The following MYRFL variants were observed in gnomAD, a reference collection of about 807,000 sequenced individuals.
MYRFL encodes myelin regulatory factor like.
In MYRFL, 88 loss-of-function variants were observed where a neutral mutation model predicts 109.4. The observed-to-expected ratio is 0.80, with a 90% CI of 0.68 to 0.96. MYRFL has a LOEUF of 0.96. Among genes scored for constraint, MYRFL ranks in the 40% least tolerant of loss-of-function variants. The pLI, the probability that MYRFL is intolerant of heterozygous loss-of-function variation, is 0.00. For synonymous variants in MYRFL, 324 were observed against 320.9 expected (o/e 1.01, Z -0.10); for missense variants, 957 against 954.9 (o/e 1.00, Z -0.03).
intron 1 of MYRFL, among the ~76,000 whole-genome samples, chr12:69,841,927 C>A (rs1261209781): frequency 2.6e-5 from 4 of 152,134 alleles, no homozygotes; most frequent in Non-Finnish European, 5.9e-5. Context: ...TCCCACAACT[C>A]CTCTGTGAGG....
At chr12:69,827,947 A>G (rs1882391912) in intron 1 of MYRFL, among the ~76,000 whole-genome samples, 1 of 152,114 alleles carries the variant, frequency 6.6e-6, no homozygotes, top group Non-Finnish European at 1.5e-5. Context: ...CCTTGGAGTG[A>G]TAGGATTATG....
chr12:69,905,869 T>C (rs1441052412), intron 11 of MYRFL, among the ~76,000 whole-genome samples: 1 of 152,236 alleles, frequency 6.6e-6, no homozygotes, highest in East Asian at 1.9e-4. Flanking sequence ...GTAATGTTGA[T>C]GATGCTGATG....
rs771164817 is a variant in MYRFL at position 69,958,322 on chromosome 12, C to T, written c.2645C>T (p.Pro882Leu). 6.4e-5 allele frequency: 99 copies of T among 1,535,748 alleles called. No homozygotes were observed. Among genetic ancestry groups the T allele is most frequent in the South Asian group, 1.4e-4 (12 of 83,796 alleles). The stretch of plus-strand genomic sequence containing the variant: ...ATGTTCCATTTCCGTGTAGCTGCAC[C>T]GGTAAGCTTGCTTTTTCTTTTTCTT... ...DSMFHFRVAA[P>L]DLADCSTDPY... The change falls in exon 24 of 25, where the codon CCG becomes CTG. Residue 882 changes from proline to leucine, a missense_variant and splice_region_variant. Transcript: ENST00000552032.
intron 1 of MYRFL, among the ~76,000 whole-genome samples, chr12:69,840,216 GTC>G (rs1487761238): frequency 3.9e-4 from 59 of 152,198 alleles, no homozygotes; most frequent in African/African-American, 1.4e-3. Flanking sequence ...CCTTCAGGCT[GTC>G]TGAATGTATG....
chr12:69,874,291 C>G (rs79901267), intron 2 of MYRFL, among the ~76,000 whole-genome samples: 8,516 of 152,278 alleles, frequency 0.056, 275 homozygotes, highest in African/African-American at 0.088. Flanking sequence ...GATCCTTCAG[C>G]CTCAGCTTCC....
At chr12:69,847,153 C>G (rs760327600) in intron 1 of MYRFL, among the ~76,000 whole-genome samples, 3 of 152,152 alleles carry the variant, frequency 2.0e-5, no homozygotes, top group Non-Finnish European at 4.4e-5. Flanking sequence ...GCCACTCAAA[C>G]TGCTGCAGTA....
chr12:69,870,541 A>T (rs1592730845), intron 2 of MYRFL, among the ~76,000 whole-genome samples: 1 of 152,170 alleles, frequency 6.6e-6, no homozygotes, highest in African/African-American at 2.4e-5. Flanking sequence ...GATTGTGAGT[A>T]AAAGGGGCTA....
intron 1 of MYRFL, among the ~76,000 whole-genome samples, chr12:69,842,722 C>T (rs1883317091): frequency 6.6e-6 from 1 of 152,058 alleles, no homozygotes; most frequent in African/African-American, 2.4e-5. Flanking sequence ...TTTTTTGTTC[C>T]TAGGATGTTT....
rs1347714365 is a variant in MYRFL at position 69,886,884 on chromosome 12, T to C, written c.621T>C (p.Pro207=). Residue 207 remains proline, a synonymous_variant, in exon 6 of 25, where the codon CCT becomes CCC. Coordinates refer to ENST00000552032, the MANE Select transcript of MYRFL (RefSeq NM_182530.3). The stretch of plus-strand genomic sequence containing the variant: ...ACAGTGAGGGACAGAACAGAATGCC[T>C]ACAGACCAGTGCTCTCCTGCTCTGA... ...DPDSEGQNRM[P]TDQCSPALKW... is the part of the protein sequence containing the mutation. The C allele has an allele frequency of 7.8e-6, 12 of 1,535,808 alleles. No individual in the cohort carries two copies. In the East Asian group the frequency reaches 2.9e-4, roughly 38 times the overall value.
At chr12:69,905,920 T>A (rs1954342656) in intron 11 of MYRFL, among the ~76,000 whole-genome samples, 1 of 152,208 alleles carries the variant, frequency 6.6e-6, no homozygotes, top group Non-Finnish European at 1.5e-5. Context: ...CCTGACTTAG[T>A]TTTTGCAACT....
chr12:69,854,172 C>T (rs1012310563), intron 1 of MYRFL, among the ~76,000 whole-genome samples: 31 of 152,314 alleles, frequency 2.0e-4, no homozygotes, highest in Non-Finnish European at 3.1e-4. Flanking sequence ...CGGGAAACCC[C>T]GTCTCCACCA....
intron 1 of MYRFL, among the ~76,000 whole-genome samples, chr12:69,853,063 C>G (rs1400673540): frequency 6.6e-6 from 1 of 152,252 alleles, no homozygotes; most frequent in Admixed American, 6.5e-5. Context: ...GACAAAACCA[C>G]CATCGTCATC....
intron 2 of MYRFL, among the ~76,000 whole-genome samples, chr12:69,872,009 G>A (rs1252011051): frequency 6.6e-6 from 1 of 151,712 alleles, no homozygotes; most frequent in Admixed American, 6.6e-5. Flanking sequence ...CTATGTGATT[G>A]TACAATTGTC....
intron 1 of MYRFL, among the ~76,000 whole-genome samples, chr12:69,848,336 T>C (rs982815000): frequency 1.3e-5 from 2 of 152,016 alleles, no homozygotes; most frequent in African/African-American, 4.8e-5. Flanking sequence ...AAATTTTTGA[T>C]TGTAGATATA....
intron 19 of MYRFL, among the ~76,000 whole-genome samples, chr12:69,951,441 T>TC (rs2120545470): frequency 6.7e-6 from 1 of 150,310 alleles, no homozygotes; most frequent in East Asian, 2.0e-4. Flanking sequence ...TTTTTTTTTT[T>TC]TTTGAGATGG....
intron 1 of MYRFL, among the ~76,000 whole-genome samples, chr12:69,834,266 A>G (rs550109957): frequency 6.6e-6 from 1 of 152,348 alleles, no homozygotes; most frequent in African/African-American, 2.4e-5. Context: ...ATATATGGCA[A>G]TAAGAAGTAA....
chr12:69,850,784 A>G (rs1397142765), intron 1 of MYRFL, among the ~76,000 whole-genome samples: 3 of 151,992 alleles, frequency 2.0e-5, no homozygotes, highest in East Asian at 3.8e-4. Context: ...CTCTTCATCC[A>G]TGGTTGTTTT....
At chr12:69,845,093 C>G (rs1053044962) in intron 1 of MYRFL, among the ~76,000 whole-genome samples, 4 of 152,168 alleles carry the variant, frequency 2.6e-5, no homozygotes, top group Non-Finnish European at 4.4e-5. Context: ...CTGAGAGAGG[C>G]ATCCGCATAG....
chr12:69,883,905 A>G (rs571449177), intron 5 of MYRFL, among the ~76,000 whole-genome samples: 1 of 152,172 alleles, frequency 6.6e-6, no homozygotes, highest in South Asian at 2.1e-4. Context: ...CCAGCCCAGC[A>G]TACAAGAGTA....
Sources: allele counts gnomAD v4.1 joint callset (sites outside exome capture counted in the v4.1 genomes callset), GRCh38; gene constraint gnomAD v4.1.1; transcripts MANE v1.5; gene names NCBI Gene and HGNC (gene_info 2026-07-23, HGNC 2026-07-21).